The following RYR2 variants were observed in gnomAD, a reference collection of about 807,000 sequenced individuals.
RYR2 encodes the protein ryanodine receptor 2.
Under a neutral mutation model 601.1 loss-of-function variants are expected in RYR2, and 227 were observed. The observed-to-expected ratio is 0.38, with a 90% confidence interval of 0.34 to 0.42. The LOEUF (loss-of-function observed/expected upper bound fraction) is 0.42. Among genes scored for constraint, RYR2 ranks in the 10% least tolerant of loss-of-function variants. The pLI, the probability that RYR2 is intolerant of heterozygous loss-of-function variation, is 1.00. For missense variants in RYR2, 4,646 were observed against 6,156.5 expected, an observed-to-expected ratio of 0.75 and a Z score of 8.21; for synonymous variants, 2,223 against 2,175.1, an observed-to-expected ratio of 1.02 and a Z score of -0.61.
intron 63 of RYR2, among the ~76,000 whole-genome samples, chr1:237,688,377 G>C (rs1686630388): frequency 6.6e-6 from 1 of 151,760 alleles, no homozygotes; most frequent in African/African-American, 2.4e-5. Context: ...TTTCTACAAA[G>C]TCACAGTTAA....
rs79252811 is a variant in RYR2, at chr1:237,239,271, C to T, written c.49-31226C>T. ...CCTCACACCAAGGCAATCAAAGACA[C>T]GGACATGGAGTGAGGTTAAGAGCAG... is the stretch of plus-strand genomic sequence containing the variant. On this transcript the variant is annotated intron_variant, in intron 1 of 104. Transcript: ENST00000366574. Among the ~76,000 whole-genome samples, 669 of 152,094 alleles carry T rather than the reference C, an allele frequency of 4.4e-3. 23 individuals are homozygous for T. Among genetic ancestry groups the T allele is most frequent in the Admixed American group, 0.032 (492 of 15,266 alleles).
At chr1:237,830,177 G>A (rs1322039331) in intron 102 of RYR2, 1 of 212,024 alleles carries the variant, frequency 4.7e-6, no homozygotes, top group Non-Finnish European at 9.7e-6. Context: ...AGTTAATCCT[G>A]CTTAGATAAC....
intron 1 of RYR2, among the ~76,000 whole-genome samples, chr1:237,051,308 CTTT>C (rs1442810502): frequency 1.5e-5 from 2 of 130,676 alleles, no homozygotes; most frequent in Non-Finnish European, 3.2e-5. Context: ...CTCTCTTTCT[CTTT>C]ATCTCTCTCC....
intron 29 of RYR2, among the ~76,000 whole-genome samples, chr1:237,580,152 A>ATTTTTTT (rs1327689248): frequency 8.0e-5 from 7 of 87,324 alleles, no homozygotes; most frequent in East Asian, 1.0e-3. Context: ...AATCACAACA[A>ATTTTTTT]TTCTTTTTTT....
chr1:237,829,237 A>G (rs1663503910), intron 102 of RYR2, among the ~76,000 whole-genome samples: 1 of 152,246 alleles, frequency 6.6e-6, no homozygotes, highest in Non-Finnish European at 1.5e-5. Flanking sequence ...TTTTAAAAAG[A>G]TAACTATGGT....
intron 54 of RYR2, 117 bp from the exon 55 acceptor site, chr1:237,659,868 C>G: frequency 1.8e-6 from 1 of 558,976 alleles, no homozygotes; most frequent in East Asian, 3.4e-5. Flanking sequence ...CAATCTTAAC[C>G]CTTACCTTAG....
intron 1 of RYR2, among the ~76,000 whole-genome samples, chr1:237,052,805 A>C (rs191440658): frequency 2.6e-5 from 4 of 152,194 alleles, no homozygotes; most frequent in Non-Finnish European, 5.9e-5. Context: ...TTGCATACAC[A>C]GGATCCAATC....
At chr1:237,141,145 G>A (rs1052575386) in intron 1 of RYR2, among the ~76,000 whole-genome samples, 22 of 152,156 alleles carry the variant, frequency 1.4e-4, no homozygotes, top group African/African-American at 5.3e-4. Flanking sequence ...CACATATTTT[G>A]TTTCTTTTTC....
At chr1:237,383,709 G>A (rs890171386) in intron 8 of RYR2, among the ~76,000 whole-genome samples, 46 of 152,100 alleles carry the variant, frequency 3.0e-4, no homozygotes, top group East Asian at 7.8e-4. Flanking sequence ...GATTACAGGC[G>A]TGAGCCACCG....
At chr1:237,548,728 G>A in intron 26 of RYR2, 138 bp downstream of exon 26, 1 of 1,045,212 alleles carries the variant, frequency 9.6e-7, no homozygotes, top group Non-Finnish European at 1.4e-6. Flanking sequence ...GACTAAAACA[G>A]CTGTTTAATG....
At chr1:237,223,091 A>C (rs1286900525) in intron 1 of RYR2, among the ~76,000 whole-genome samples, 1 of 152,168 alleles carries the variant, frequency 6.6e-6, no homozygotes, top group Non-Finnish European at 1.5e-5. Flanking sequence ...AAACAACAAC[A>C]AAACAACCGC....
In RYR2 at chr1:237,057,407, G is replaced by A. The variant is rs147448422; in HGVS notation, c.48+14838G>A. On this transcript the variant is annotated intron_variant, in intron 1 of 104. Transcript: ENST00000366574. ...TCGCCACGTTAGCCAGGATGGTCTC[G>A]ATCTCCTGACCTTGTGATCCACCCA... Among the ~76,000 whole-genome samples, 7 of 152,134 alleles carry A rather than the reference G, an allele frequency of 4.6e-5. No homozygotes were observed. The East Asian group carries it at 1.2e-3, about 25-fold the overall frequency.
At chr1:237,384,240 A>T (rs531476139) in intron 8 of RYR2, among the ~76,000 whole-genome samples, 1 of 152,272 alleles carries the variant, frequency 6.6e-6, no homozygotes, top group East Asian at 1.9e-4. Flanking sequence ...CATATTTATT[A>T]TTTATCTTCA....
intron 1 of RYR2, among the ~76,000 whole-genome samples, chr1:237,134,003 C>T (rs111319015): frequency 0.036 from 5,363 of 150,644 alleles, 333 homozygotes; most frequent in African/African-American, 0.12. Context: ...TGGTTGTCCA[C>T]GTTTCCGTTG....
intron 9 of RYR2, among the ~76,000 whole-genome samples, chr1:237,387,886 A>C (rs1234296978): frequency 1.3e-5 from 2 of 152,180 alleles, no homozygotes; most frequent in Non-Finnish European, 2.9e-5. Context: ...TTTAGTGGGA[A>C]TATCCCTAAC....
intron 1 of RYR2, among the ~76,000 whole-genome samples, chr1:237,066,878 C>A (rs1219836080): frequency 2.0e-5 from 3 of 152,126 alleles, no homozygotes; most frequent in African/African-American, 7.2e-5. Context: ...ACCTCGCAAT[C>A]CGCCCGCCTC....
chr1:237,540,566 G>C (rs531751774), intron 25 of RYR2, among the ~76,000 whole-genome samples: 4 of 152,220 alleles, frequency 2.6e-5, no homozygotes, highest in Admixed American at 2.6e-4. Context: ...AATTAGCCAC[G>C]CATGGTGGCA....
At position 237,629,859 on chromosome 1, in the gene RYR2, G is replaced by C. The variant is rs114274704; in HGVS notation, c.6441-1568G>C. 2.9e-3 allele frequency among the ~76,000 whole-genome samples: 445 copies of C among 152,120 alleles called. 2 individuals carry two copies. The highest frequency in any genetic ancestry group is 0.01 in the African/African-American group (425 of 41,532). ...TTAAAATTATAAAAATGGATGAAAG[G>C]TTCTATTAAAAATTCATAATTGTTG... On this transcript the variant is annotated intron_variant, in intron 41 of 104. Coordinates refer to ENST00000366574, the MANE Select transcript of RYR2 (RefSeq NM_001035.3).
chr1:237,577,312 C>A (rs1673331882), intron 29 of RYR2, among the ~76,000 whole-genome samples: 1 of 152,278 alleles, frequency 6.6e-6, no homozygotes, highest in Middle Eastern at 3.4e-3. Context: ...GAATAATGTC[C>A]TCCAAAGATG....
Sources: allele counts gnomAD v4.1 joint callset (sites outside exome capture counted in the v4.1 genomes callset), GRCh38; gene constraint gnomAD v4.1.1; transcripts MANE v1.5; gene names NCBI Gene and HGNC (gene_info 2026-07-23, HGNC 2026-07-21).